RXRA: variants seen among roughly 807,000 people sequenced by gnomAD.
RXRA encodes the protein retinoic acid receptor RXR-alpha.
A neutral mutation model predicts 44.5 loss-of-function variants in RXRA; 5 were observed. The ratio of observed to expected loss-of-function variants is 0.11; its 90% CI spans 0.06 to 0.24. The LOEUF (loss-of-function observed/expected upper bound fraction) is 0.24. Among genes scored for constraint, RXRA ranks in the 10% least tolerant of loss-of-function variants. The pLI, the probability that RXRA is intolerant of heterozygous loss-of-function variation, is 1.00. For missense variants in RXRA, 412 were observed against 646.5 expected (o/e 0.64, Z 3.93); for synonymous variants, 291 against 271.4 (o/e 1.07, Z -0.71).
intron 1 of RXRA, among the ~76,000 whole-genome samples, chr9:134,386,301 C>T (rs763787273): frequency 2.0e-4 from 30 of 152,266 alleles, no homozygotes; most frequent in Non-Finnish European, 3.2e-4. Context: ...TGGGACCTCT[C>T]GCCTGCCCTC....
rs1033224737 is a variant in RXRA, at chr9:134,374,704, C to T, written c.29-26928C>T. Among the ~76,000 whole-genome samples, 4 of 152,264 alleles carry T rather than the reference C, an allele frequency of 2.6e-5. No individual in the cohort carries two copies. In the East Asian group the frequency reaches 7.7e-4, roughly 29 times the overall value. ...GGGTGGTAAAATTTAGACCTTTTGC[C>T]TCCTGGCGACTTCCTTCTTCAGTTT... On this transcript the variant is annotated intron_variant, in intron 1 of 9. Transcript: ENST00000481739.
intron 1 of RXRA, among the ~76,000 whole-genome samples, chr9:134,398,003 G>C (rs1442950959): frequency 6.6e-6 from 1 of 151,808 alleles, no homozygotes; most frequent in African/African-American, 2.4e-5. Context: ...TTTTGAGGCA[G>C]AGTTTCGCTT....
chr9:134,430,923 T>C (rs1303357022), intron 7 of RXRA, among the ~76,000 whole-genome samples: 1 of 152,212 alleles, frequency 6.6e-6, no homozygotes, highest in Non-Finnish European at 1.5e-5. Context: ...CCATGCCCGC[T>C]GCCCCATCCC....
intron 1 of RXRA, among the ~76,000 whole-genome samples, chr9:134,384,305 C>T (rs1830688344): frequency 6.6e-6 from 1 of 152,240 alleles, no homozygotes; most frequent in African/African-American, 2.4e-5. Context: ...CAGGGACCTC[C>T]CTCATCATCT....
chr9:134,385,423 C>T (rs1026786438), intron 1 of RXRA, among the ~76,000 whole-genome samples: 2 of 152,218 alleles, frequency 1.3e-5, no homozygotes, highest in African/African-American at 4.8e-5. Flanking sequence ...CAGGCCCTGC[C>T]TCACCAGTAT....
At chr9:134,394,867 A>G (rs1192132807) in intron 1 of RXRA, among the ~76,000 whole-genome samples, 2 of 152,192 alleles carry the variant, frequency 1.3e-5, no homozygotes, top group African/African-American at 4.8e-5. Context: ...CATGGAGCTC[A>G]AGGAGGGAGA....
chr9:134,336,821 A>G (rs1306771502), intron 1 of RXRA, among the ~76,000 whole-genome samples: 2 of 152,208 alleles, frequency 1.3e-5, no homozygotes, highest in Non-Finnish European at 2.9e-5. Flanking sequence ...CGTTCCTTGC[A>G]AAGTTGATTT....
Position 134,401,372 on chromosome 9 carries a change from G to A in RXRA, c.29-260G>A, listed in dbSNP as rs976131932. On this transcript the variant is annotated intron_variant, in intron 1 of 9. Coordinates refer to ENST00000481739, the MANE Select transcript of RXRA (RefSeq NM_002957.6). Reference sequence around the variant, plus strand: ...GGGCATCCTGGGGCTCATTCACAGCGGGTTCTTCCTGCGTCTGCCGCAGGC... The same window carrying A: ...GGGCATCCTGGGGCTCATTCACAGCAGGTTCTTCCTGCGTCTGCCGCAGGC... 31 of 531,364 alleles carry A rather than the reference G, an allele frequency of 5.8e-5. No individual in the cohort carries two copies. In the East Asian group the frequency reaches 9.3e-4, roughly 16 times the overall value. The allele number at this position is 531,364 out of a possible 1,614,324, so 32.9% of individuals were successfully genotyped here. A position where few individuals can be genotyped will look rare whatever the true frequency, so the allele number is the denominator to read the frequency against.
chr9:134,393,440 C>T (rs1383482444), intron 1 of RXRA, among the ~76,000 whole-genome samples: 1 of 152,172 alleles, frequency 6.6e-6, no homozygotes, highest in Non-Finnish European at 1.5e-5. Context: ...TTCAGGCAGC[C>T]TGGTCCCAGG....
At chr9:134,326,708 G>A in intron 1 of RXRA, 49 bp downstream of exon 1, 3 of 543,582 alleles carry the variant, frequency 5.5e-6, no homozygotes, top group Non-Finnish European at 7.0e-6. Flanking sequence ...GCCGGGGGCC[G>A]GCGGGCGGGA....
chr9:134,418,113 C>T (rs7038018), intron 5 of RXRA, among the ~76,000 whole-genome samples: 25,782 of 152,050 alleles, frequency 0.17, 2,428 homozygotes, highest in African/African-American at 0.25. Flanking sequence ...CTGAGCCCCT[C>T]CTACCCTACC....
At chr9:134,354,058 A>G (rs1191281645) in intron 1 of RXRA, among the ~76,000 whole-genome samples, 2 of 152,168 alleles carry the variant, frequency 1.3e-5, no homozygotes, top group Non-Finnish European at 2.9e-5. Context: ...TGTTGCCACC[A>G]TAAAATAACA....
At chr9:134,395,839 C>T (rs1478386331) in intron 1 of RXRA, among the ~76,000 whole-genome samples, 2 of 152,252 alleles carry the variant, frequency 1.3e-5, no homozygotes, top group African/African-American at 2.4e-5. Flanking sequence ...GATTTAGGGC[C>T]AGGGTGTTGG....
Position 134,426,174 on chromosome 9 carries a change from C to G in RXRA, c.911-2934C>G, listed in dbSNP as rs1831431545. On this transcript the variant is annotated intron_variant, in intron 6 of 9. Coordinates refer to ENST00000481739, the MANE Select transcript of RXRA (RefSeq NM_002957.6). The surrounding 1 kb of genome is among the most constrained non-coding windows in gnomAD (Gnocchi z 4.6). ...AAGACTCTTTGTCCTGCGCTTGGAG[C>G]CTGGAGTAAGACCTGGTATCCTCTG... 1 of 985,280 alleles carries G rather than the reference C, an allele frequency of 1.0e-6. No homozygotes were observed. The highest frequency in any genetic ancestry group is 1.2e-6 in the Non-Finnish European group (1 of 829,940). 61.0% of individuals were successfully genotyped at this position (985,280 alleles called of 1,614,324 possible). A position where few individuals can be genotyped will look rare whatever the true frequency, so the allele number is the denominator to read the frequency against.
rs1419639676 is a variant in RXRA, at chr9:134,343,017, G to A, written c.28+16358G>A. 6.6e-6 allele frequency among the ~76,000 whole-genome samples: 1 copy of A among 152,188 alleles called. No homozygotes were observed. The highest frequency in any genetic ancestry group is 1.5e-5 in the Non-Finnish European group (1 of 68,012). On this transcript the variant is annotated intron_variant, in intron 1 of 9. Coordinates refer to ENST00000481739, the MANE Select transcript of RXRA (RefSeq NM_002957.6). This position sits in a 1 kb window ranked among gnomAD's most constrained non-coding sequence, Gnocchi z 4.1. ...CAGTGGGGGGACCTCCTTCTAGAGAGGCCCCAGCAGATTATGGGATTTTCA... is the reference window on the plus strand; with the variant it reads ...CAGTGGGGGGACCTCCTTCTAGAGAAGCCCCAGCAGATTATGGGATTTTCA...
At chr9:134,412,964 ACAG>A (rs1487529657) in intron 4 of RXRA, among the ~76,000 whole-genome samples, 1 of 152,168 alleles carries the variant, frequency 6.6e-6, no homozygotes, top group Non-Finnish European at 1.5e-5. Flanking sequence ...GGGTGTGGAA[ACAG>A]CAGGGTCTGG....
intron 4 of RXRA, among the ~76,000 whole-genome samples, chr9:134,409,964 GGT>G (rs1831121531): frequency 1.3e-5 from 2 of 152,296 alleles, no homozygotes; most frequent in Non-Finnish European, 1.5e-5. Flanking sequence ...CTGTGTGGCT[GGT>G]GTGTCTTACT....
At chr9:134,397,597 A>G (rs1830898723) in intron 1 of RXRA, among the ~76,000 whole-genome samples, 1 of 152,218 alleles carries the variant, frequency 6.6e-6, no homozygotes, top group Non-Finnish European at 1.5e-5. Flanking sequence ...TGCCGGGATC[A>G]GGGCCTGCTT....
intron 4 of RXRA, among the ~76,000 whole-genome samples, chr9:134,415,099 T>C (rs1369634519): frequency 3.3e-5 from 5 of 152,334 alleles, no homozygotes; most frequent in African/African-American, 1.2e-4. Flanking sequence ...CCTGGCTGGC[T>C]CCTCTGCCTG....
Sources: allele counts gnomAD v4.1 joint callset (sites outside exome capture counted in the v4.1 genomes callset), GRCh38; gene constraint gnomAD v4.1.1; non-coding constraint Gnocchi (gnomAD v3.1); transcripts MANE v1.5; gene names NCBI Gene and HGNC (gene_info 2026-07-23, HGNC 2026-07-21).